Variants in AATK observed in about 807,000 individuals in gnomAD.
The protein encoded by AATK is lemur tail kinase 1.
AATK carries 91 observed loss-of-function variants against 114.3 expected under a neutral mutation model. The observed-to-expected ratio is 0.80, with a 90% CI of 0.67 to 0.95. The LOEUF is 0.95. AATK is among the 40% of genes least tolerant of loss of function. The pLI, the probability that AATK is intolerant of heterozygous loss-of-function variation, is 0.00. For synonymous variants in AATK, 1,075 were observed against 916.5 expected, an observed-to-expected ratio of 1.17 and a Z score of -3.12; for missense variants, 2,176 against 1,965.2, an observed-to-expected ratio of 1.11 and a Z score of -2.03.
In AATK at chr17:81,122,260, T is replaced by C; in HGVS notation, c.1676A>G (p.Asp559Gly). The part of the protein sequence containing the change: ...GCAPSPPATA[D>G]QDDDSDGSTA... ...GCTGCCGTCAGAGTCGTCGTCCTGG[T>C]CCGCGGTGGCAGGTGGACTGGGGGC... The change falls in exon 11 of 14, where the codon GAC (aspartate) becomes GGC (glycine). Residue 559 changes from aspartate to glycine, a missense_variant. Physicochemically the swap from Asp to Gly is moderately conservative, Grantham distance 94 (BLOSUM62 -1). Around this residue, in one of 4 missense-constraint regions of AATK, gnomAD observed 1,701 missense variants for 1,394.7 expected, o/e 1.22. Transcript: ENST00000326724. 6.7e-7 allele frequency: 1 copy of C among 1,494,748 alleles called. No homozygotes were observed. The highest frequency in any genetic ancestry group is 8.9e-7 in the Non-Finnish European group (1 of 1,127,082). The allele number at this position is 1,494,748 out of a possible 1,614,324, so 92.6% of individuals were successfully genotyped here.
chr17:81,120,068 C>G lies in AATK; in HGVS notation c.3751G>C (p.Glu1251Gln), dbSNP rs1448924490. 22 of 1,459,554 alleles carry G rather than the reference C, an allele frequency of 1.5e-5. No homozygotes were observed. The highest frequency in any genetic ancestry group is 1.8e-4 in the Middle Eastern group (1 of 5,412). The allele number at this position is 1,459,554 out of a possible 1,614,324, so 90.4% of individuals were successfully genotyped here. A position where few individuals can be genotyped will look rare whatever the true frequency, so the allele number is the denominator to read the frequency against. ...YLFDQESPTRELGEPFPGAKE... is the reference protein window; with the variant it reads ...YLFDQESPTRQLGEPFPGAKE... ...GCGCCCGGGAAGGGCTCCCCGAGCTCCCGGGTGGGGCTTTCCTGGAGGAAT... is the reference window on the plus strand; with the variant it reads ...GCGCCCGGGAAGGGCTCCCCGAGCTGCCGGGTGGGGCTTTCCTGGAGGAAT... Residue 1251 changes from glutamate (E) to glutamine (Q), a missense_variant, in exon 12 of 14, where the codon GAG (glutamate) becomes CAG (glutamine). By Grantham distance (29) the Glu-to-Gln change is conservative. Around this residue, in one of 4 missense-constraint regions of AATK, gnomAD observed 1,701 missense variants for 1,394.7 expected, o/e 1.22. Transcript: ENST00000326724.
rs572183825 is a variant in AATK at position 81,126,595 on chromosome 17, G to T, written c.622-35C>A. 2.6e-6 allele frequency: 4 copies of T among 1,522,040 alleles called. No individual in the cohort carries two copies. In the African/African-American group the frequency reaches 5.5e-5, roughly 21 times the overall value. The allele number at this position is 1,522,040 out of a possible 1,614,324, so 94.3% of individuals were successfully genotyped here. On this transcript the variant is annotated intron_variant, in intron 6 of 13. Coordinates refer to ENST00000326724, the MANE Select transcript of AATK (RefSeq NM_001080395.3). The surrounding 1 kb of genome is among the most constrained non-coding windows in gnomAD (Gnocchi z 5.1). ...GGGGGTGTGGCGCAGTCACCAGCAG[G>T]CTGGGGGCTGGCCACCCTGGGAGGT... is the stretch of plus-strand genomic sequence containing the variant.
chr17:81,146,840 A>G (rs1270352779), intron 1 of AATK, among the ~76,000 whole-genome samples: 1 of 151,590 alleles, frequency 6.6e-6, no homozygotes, highest in African/African-American at 2.4e-5. Context: ...TGTAGAAGCC[A>G]GTAAATCAGA....
Position 81,131,122 on chromosome 17 carries a change from G to A in AATK, c.273C>T (p.Asp91=), listed in dbSNP as rs374943584. 2.2e-3 allele frequency: 3,380 copies of A among 1,563,372 alleles called. 4 individuals are homozygous for A. Among genetic ancestry groups the A allele is most frequent in the Non-Finnish European group, 2.7e-3 (3,067 of 1,154,538 alleles). Residue 91 remains aspartate, a synonymous_variant, in exon 3 of 14, where the codon GAC becomes GAT. Coordinates refer to ENST00000326724, the MANE Select transcript of AATK (RefSeq NM_001080395.3). ...CCTCCGTGAGTGGCAGGACGTACACGTCGGGCCCGTTCTGTGCTGCCGTGG... is the reference window on the plus strand; with the variant it reads ...CCTCCGTGAGTGGCAGGACGTACACATCGGGCCCGTTCTGTGCTGCCGTGG... The part of the protein sequence containing the change: ...SPATAAQNGP[D]VYVLPLTEVS...
chr17:81,163,245 A>G (rs1179477115), intron 1 of AATK, among the ~76,000 whole-genome samples: 3 of 152,262 alleles, frequency 2.0e-5, no homozygotes, highest in Non-Finnish European at 2.9e-5. Flanking sequence ...ACTAGAAATC[A>G]TGACGCCCTG....
Position 81,127,878 on chromosome 17 carries a change from G to A in AATK, c.447C>T (p.Ser149=), listed in dbSNP as rs1469700308. 6 of 1,549,080 alleles carry A rather than the reference G, an allele frequency of 3.9e-6. No individual in the cohort carries two copies. The highest frequency in any genetic ancestry group is 1.4e-5 in the African/African-American group (1 of 72,928). ...VFLGEVNSGI[S]SAQVVVKELQ... ...GCTCCTTCACCACCACCTGGGCACT[G>A]CTGATGCCAGAGTTCACCTCCCCCA... The change falls in exon 5 of 14, where the codon AGC becomes AGT. Residue 149 remains serine, a synonymous_variant. Coordinates refer to ENST00000326724, the MANE Select transcript of AATK (RefSeq NM_001080395.3).
rs185882771 is a variant in AATK at position 81,158,928 on chromosome 17, C to T, written c.55+7010G>A. On this transcript the variant is annotated intron_variant, in intron 1 of 13. Coordinates refer to ENST00000326724, the MANE Select transcript of AATK (RefSeq NM_001080395.3). ...ACAGTCACACACCAGCACCCCTGAT[C>T]CCTGGGGCCGCTATACACACAGCGA... Among the ~76,000 whole-genome samples, 3 of 152,308 alleles carry T rather than the reference C, an allele frequency of 2.0e-5. No individual in the cohort carries two copies. In the East Asian group the frequency reaches 5.8e-4, roughly 29 times the overall value.
Position 81,119,470 on chromosome 17 carries a change from C to CGGGCGT in AATK, c.3988_3993dup (p.Thr1330_Pro1331dup), listed in dbSNP as rs376907005. ...GACACCGTGAAGCGCGAGAAGGGAG[C>CGGGCGT]GGGCGTGGGCGTGGGCGCAGCCGGG... On this transcript the variant is annotated inframe_insertion, in exon 13 of 14. Coordinates refer to ENST00000326724, the MANE Select transcript of AATK (RefSeq NM_001080395.3). The CGGGCGT allele has an allele frequency of 0.039, 59,453 of 1,505,568 alleles. 1,491 individuals carry two copies. The highest frequency in any genetic ancestry group is 0.083 in the African/African-American group (5,685 of 68,170). 93.3% of individuals were successfully genotyped at this position (1,505,568 alleles called of 1,614,324 possible).
rs1309131432 is a variant in AATK at position 81,129,029 on chromosome 17, T to C, written c.335-480A>G. The C allele has an allele frequency of 2.5e-5, 14 of 552,590 alleles. No individual in the cohort carries two copies. The South Asian group carries it at 8.7e-4, about 34-fold the overall frequency. The allele number at this position is 552,590 out of a possible 1,614,324, so 34.2% of individuals were successfully genotyped here. A position where few individuals can be genotyped will look rare whatever the true frequency, so the allele number is the denominator to read the frequency against. ...TGGCACGGCCCCGCACGGAGCACACTGGCCCATTCTCCCCGAGGGCCAGGC... is the reference window on the plus strand; with the variant it reads ...TGGCACGGCCCCGCACGGAGCACACCGGCCCATTCTCCCCGAGGGCCAGGC... On this transcript the variant is annotated intron_variant, in intron 3 of 13. Coordinates refer to ENST00000326724, the MANE Select transcript of AATK (RefSeq NM_001080395.3).
chr17:81,126,364 C>T lies in AATK; in HGVS notation c.755+63G>A. 6.6e-7 allele frequency: 1 copy of T among 1,512,276 alleles called. No individual in the cohort carries two copies. The highest frequency in any genetic ancestry group is 8.9e-7 in the Non-Finnish European group (1 of 1,123,762). The allele number at this position is 1,512,276 out of a possible 1,614,324, so 93.7% of individuals were successfully genotyped here. The stretch of plus-strand genomic sequence containing the variant: ...CCCTGAGGCAGGACCCGCCCTATGC[C>T]CTTCCTTCAGGGGAGGGGCCTGGCC... On this transcript the variant is annotated intron_variant, in intron 7 of 13. Coordinates refer to ENST00000326724, the MANE Select transcript of AATK (RefSeq NM_001080395.3). This position sits in a 1 kb window ranked among gnomAD's most constrained non-coding sequence, Gnocchi z 5.1.
Position 81,127,578 on chromosome 17 carries a change from C to A in AATK, c.621+5G>T. 6.3e-7 allele frequency: 1 copy of A among 1,593,044 alleles called. No individual in the cohort carries two copies. The highest frequency in any genetic ancestry group is 8.5e-7 in the Non-Finnish European group (1 of 1,170,610). Reference sequence around the variant, plus strand: ...ACCCCAGCATCCCCCCGGGCAGCAGCTCACCAGTGGGCAGAACTCCATCAC... The same window carrying A: ...ACCCCAGCATCCCCCCGGGCAGCAGATCACCAGTGGGCAGAACTCCATCAC... On this transcript the variant is annotated splice_donor_5th_base_variant and intron_variant, in intron 6 of 13. Transcript: ENST00000326724.
At position 81,118,444 on chromosome 17, in the gene AATK, T is replaced by C. The variant is rs764785897; in HGVS notation, c.4085-2A>G. The C allele has an allele frequency of 2.5e-6, 4 of 1,606,382 alleles. No individual in the cohort carries two copies. Among genetic ancestry groups the C allele is most frequent in the Non-Finnish European group, 3.4e-6 (4 of 1,177,298 alleles). ...CACCCCCGGCACCAGCTTCAGGTCC[T>C]GGCAAGCAGGACAACAAAGTGAACA... On this transcript the variant is annotated splice_acceptor_variant, in intron 13 of 13. Transcript: ENST00000326724. LOFTEE classifies it high-confidence loss of function.
At position 81,122,487 on chromosome 17, in the gene AATK, C is replaced by T; in HGVS notation, c.1449G>A (p.Ala483=). 10 of 1,458,494 alleles carry T rather than the reference C, an allele frequency of 6.9e-6. No homozygotes were observed. The highest frequency in any genetic ancestry group is 2.5e-5 in the South Asian group (2 of 78,896). 90.3% of individuals were successfully genotyped at this position (1,458,494 alleles called of 1,614,324 possible). ...CCGGGAAGGCCTCCGCGCCGCGGCC[C>T]GCCTCCCACTTGTACTCAAAATTGA... ...RGLNFEYKWE[A]GRGAEAFPAT... is the part of the protein sequence containing the mutation. The change falls in exon 11 of 14, where the codon GCG becomes GCA. Residue 483 remains alanine (A), a synonymous_variant. Transcript: ENST00000326724.
intron 7 of AATK, chr17:81,125,394 G>A (rs548735586): frequency 4.1e-5 from 22 of 539,694 alleles, no homozygotes; most frequent in South Asian, 2.8e-4. Context: ...GGCTCCCCAG[G>A]AGGTGGGAAT....
rs2060775224 is a variant in AATK, at chr17:81,124,840, G to A, written c.849C>T (p.Tyr283=). ...CCCACAGCTGGTCGGCAGTCACGAA[G>A]TAGTCCTCCTGTTGGCACAGGGACG... The part of the protein sequence containing the change: ...GLAHCKYRED[Y]FVTADQLWVP... Residue 283 remains tyrosine, a synonymous_variant, in exon 9 of 14, where the codon TAC becomes TAT. Coordinates refer to ENST00000326724, the MANE Select transcript of AATK (RefSeq NM_001080395.3). 1 of 1,610,050 alleles carries A rather than the reference G, an allele frequency of 6.2e-7. No homozygotes were observed. Among genetic ancestry groups the A allele is most frequent in the African/African-American group, 1.3e-5 (1 of 74,896 alleles).
At chr17:81,148,563 G>T (rs2061252985) in intron 1 of AATK, among the ~76,000 whole-genome samples, 1 of 152,246 alleles carries the variant, frequency 6.6e-6, no homozygotes, top group Admixed American at 6.5e-5. Flanking sequence ...ATGGCTCCGG[G>T]ATGAGGTACC....
At chr17:81,118,965 G>A (rs2060621438) in intron 13 of AATK, among the ~76,000 whole-genome samples, 1 of 152,204 alleles carries the variant, frequency 6.6e-6, no homozygotes. Context: ...GCCATGGCCG[G>A]GAGCGGTGGC....
chr17:81,138,972 C>T (rs1020014748), intron 1 of AATK, among the ~76,000 whole-genome samples: 2 of 151,344 alleles, frequency 1.3e-5, no homozygotes, highest in East Asian at 3.9e-4. Context: ...TGCGCGCGCA[C>T]CCACACCCAC....
chr17:81,125,681 C>T (rs780404828), intron 7 of AATK, among the ~76,000 whole-genome samples: 14 of 152,120 alleles, frequency 9.2e-5, no homozygotes, highest in Non-Finnish European at 1.9e-4. Flanking sequence ...CCACAGCTGC[C>T]GTATTACTTC....
Sources: gnomAD v4.1 joint callset for allele counts (sites outside exome capture counted in the v4.1 genomes callset) on GRCh38, gnomAD v4.1.1 for gene constraint, gnomAD v4.1.1 regional missense constraint, Gnocchi (gnomAD v3.1) non-coding constraint, MANE v1.5 for transcripts, NCBI Gene and HGNC (gene_info 2026-07-23, HGNC 2026-07-21) for gene names.